Variants in NAALADL1 observed in about 807,000 individuals in gnomAD.
NAALADL1 encodes the protein N-acetylated alpha-linked acidic dipeptidase like 1, also known as aminopeptidase NAALADL1.
Under a neutral mutation model 82.8 loss-of-function variants are expected in NAALADL1, and 77 were observed. That is an observed-to-expected ratio of 0.93 (90% CI 0.77 to 1.12). NAALADL1 has a LOEUF of 1.12. Ranked by LOEUF, NAALADL1 falls within the 50% of genes most tolerant of loss-of-function variation. The pLI, the probability that NAALADL1 is intolerant of heterozygous loss-of-function variation, is 0.00. For synonymous variants in NAALADL1, 358 were observed against 399.2 expected (o/e 0.90, Z 1.23); for missense variants, 956 against 964.0 (o/e 0.99, Z 0.11).
chr11:65,049,257 G>A (rs2136989819), intron 8 of NAALADL1, among the ~76,000 whole-genome samples: 1 of 152,296 alleles, frequency 6.6e-6, no homozygotes, highest in Non-Finnish European at 1.5e-5. Context: ...CTGAGCTCAA[G>A]TGATCCACCC....
chr11:65,053,011 C>A lies in NAALADL1; in HGVS notation c.1198+207G>T, dbSNP rs986950178. On this transcript the variant is annotated intron_variant, in intron 8 of 17. Coordinates refer to ENST00000358658, the MANE Select transcript of NAALADL1 (RefSeq NM_005468.3). The surrounding 1 kb of genome is among the most constrained non-coding windows in gnomAD (Gnocchi z 4.3). ...TTGCTCCATCCAGGCACACGGGAGG[C>A]ACTTGGAAGCGGCACATGAATCAAC... Among the ~76,000 whole-genome samples the A allele has an allele frequency of 2.0e-5, 3 of 152,264 alleles. No homozygotes were observed. Among genetic ancestry groups the A allele is most frequent in the African/African-American group, 7.2e-5 (3 of 41,474 alleles).
In NAALADL1 at chr11:65,046,348, G is replaced by C. The variant is rs769506889; in HGVS notation, c.1696C>G (p.Gln566Glu). The C allele has an allele frequency of 5.6e-6, 9 of 1,614,134 alleles. No homozygotes were observed. The highest frequency in any genetic ancestry group is 2.2e-5 in the South Asian group (2 of 91,092). The change falls in exon 15 of 18, where the codon CAG becomes GAG. Residue 566 changes from glutamine to glutamate, a missense_variant. Physicochemically the swap from Gln to Glu is conservative, Grantham distance 29. Coordinates refer to ENST00000358658, the MANE Select transcript of NAALADL1 (RefSeq NM_005468.3). ...KFLDPGFSSH[Q>E]AVARTAGSVI... ...CTCCCCGCTGTCCGGGCCACAGCCT[G>C]ATGGCTGCTGAAGCCTGCGGCAAGG... is the stretch of plus-strand genomic sequence containing the variant.
Position 65,045,375 on chromosome 11 carries a change from C to A in NAALADL1, c.2119G>T (p.Ala707Ser). 1 of 1,612,432 alleles carries A rather than the reference C, an allele frequency of 6.2e-7. No homozygotes were observed. The highest frequency in any genetic ancestry group is 8.5e-7 in the Non-Finnish European group (1 of 1,179,412). Residue 707 changes from alanine to serine, a missense_variant, in exon 18 of 18, where the codon GCT (alanine) becomes TCT (serine). By Grantham distance (99) the Ala-to-Ser change is moderately conservative. Coordinates refer to ENST00000358658, the MANE Select transcript of NAALADL1 (RefSeq NM_005468.3). ...SNACSRARDTASGSEAWAEVQ... is the reference protein window; with the variant it reads ...SNACSRARDTSSGSEAWAEVQ... Reference sequence around the variant, plus strand: ...TCAGCCCAAGCTTCAGATCCAGAAGCTGTGTCCCTGGCCCTGGAGCAGGCA... The same window carrying A: ...TCAGCCCAAGCTTCAGATCCAGAAGATGTGTCCCTGGCCCTGGAGCAGGCA...
At chr11:65,057,566 G>A in intron 3 of NAALADL1, 73 bp from the exon 4 acceptor site, 1 of 1,540,324 alleles carries the variant, frequency 6.5e-7, no homozygotes, top group Non-Finnish European at 8.8e-7. Context: ...GTGGAAGTTT[G>A]CATGGCAGGA....
Position 65,046,225 on chromosome 11 carries a change from G to A in NAALADL1, c.1819C>T (p.Leu607Phe), listed in dbSNP as rs1946721268. Residue 607 changes from leucine (L) to phenylalanine (F), a missense_variant, in exon 15 of 18, where the codon CTT becomes TTT. Leu to Phe is a conservative substitution (Grantham distance 22). Coordinates refer to ENST00000358658, the MANE Select transcript of NAALADL1 (RefSeq NM_005468.3). ...RSFLQAAQQDLGALLEQHSIS... is the reference protein window; with the variant it reads ...RSFLQAAQQDFGALLEQHSIS... The stretch of plus-strand genomic sequence containing the variant: ...CTGTGCTGCTCCAGCAGGGCCCCAA[G>A]ATCTTGCTGGGCTGCCTGCAGGAAG... The A allele has an allele frequency of 6.2e-7, 1 of 1,614,150 alleles. No homozygotes were observed. The highest frequency in any genetic ancestry group is 1.1e-5 in the South Asian group (1 of 91,086).
intron 8 of NAALADL1, among the ~76,000 whole-genome samples, chr11:65,052,634 T>C (rs933311639): frequency 6.6e-6 from 1 of 152,116 alleles, no homozygotes; most frequent in Non-Finnish European, 1.5e-5. Flanking sequence ...ACATGAGGAC[T>C]CTATCATGTC....
At position 65,054,128 on chromosome 11, in the gene NAALADL1, A is replaced by T; in HGVS notation, c.992+122T>A. Reference sequence around the variant, plus strand: ...TTGGGGTCAGGAGAGGGTCTGGGAGAGAGAGGAAAGGGAAAAAGGTCAGGC... The same window carrying T: ...TTGGGGTCAGGAGAGGGTCTGGGAGTGAGAGGAAAGGGAAAAAGGTCAGGC... On this transcript the variant is annotated intron_variant, in intron 6 of 17. Coordinates refer to ENST00000358658, the MANE Select transcript of NAALADL1 (RefSeq NM_005468.3). This position sits in a 1 kb window ranked among gnomAD's most constrained non-coding sequence, Gnocchi z 4.3. 2 of 849,974 alleles carry T rather than the reference A, an allele frequency of 2.4e-6. No individual in the cohort carries two copies. The highest frequency in any genetic ancestry group is 3.7e-6 in the Non-Finnish European group (2 of 545,318). The allele number at this position is 849,974 out of a possible 1,614,324, so 52.7% of individuals were successfully genotyped here.
chr11:65,054,519 C>T lies in NAALADL1; in HGVS notation c.823G>A (p.Val275Ile), dbSNP rs1370094088. 3.5e-5 allele frequency: 56 copies of T among 1,613,884 alleles called. No homozygotes were observed. Among genetic ancestry groups the T allele is most frequent in the Non-Finnish European group, 4.7e-5 (55 of 1,179,998 alleles). Residue 275 changes from valine to isoleucine, a missense_variant, in exon 5 of 18, where the codon GTC (valine) becomes ATC (isoleucine). Physicochemically the swap from Val to Ile is conservative, Grantham distance 29. Coordinates refer to ENST00000358658, the MANE Select transcript of NAALADL1 (RefSeq NM_005468.3). This position sits in a 1 kb window ranked among gnomAD's most constrained non-coding sequence, Gnocchi z 4.3. ...GTAGGAATTGGGGGAAATCCGGAGA[C>T]ATTGGCAAGGTCCACGCGGAAGGAA... The part of the protein sequence containing the change: ...PSSFRVDLAN[V>I]SGFPPIPTQP...
rs1946795325 is a variant in NAALADL1, at chr11:65,048,298, A to G, written c.1284+2T>C. On this transcript the variant is annotated splice_donor_variant, in intron 9 of 17. Transcript: ENST00000358658. LOFTEE classifies it high-confidence loss of function. ...GATCCCCTACCCTGTAGGGCCACTC[A>G]CTTCTGTGAATTCCGTGGAGCCAAT... is the stretch of plus-strand genomic sequence containing the variant. 6.2e-7 allele frequency: 1 copy of G among 1,614,028 alleles called. No individual in the cohort carries two copies. Among genetic ancestry groups the G allele is most frequent in the Non-Finnish European group, 8.5e-7 (1 of 1,179,988 alleles).
At position 65,058,196 on chromosome 11, in the gene NAALADL1, C is replaced by T. The variant is rs755095542; in HGVS notation, c.240G>A (p.Val80=). 2 of 1,613,812 alleles carry T rather than the reference C, an allele frequency of 1.2e-6. No homozygotes were observed. Among genetic ancestry groups the T allele is most frequent in the East Asian group, 2.2e-5 (1 of 44,878 alleles). ...CCTTCCAGCGCTGCAGCAGCAGCTG[C>T]ACCAGGTCCTCATCCCGAGGGCTGG... The part of the protein sequence containing the change: ...LASSPRDEDL[V]QLLLQRWKDP... The change falls in exon 2 of 18, where the codon GTG becomes GTA. Residue 80 remains valine (V), a synonymous_variant. Coordinates refer to ENST00000358658, the MANE Select transcript of NAALADL1 (RefSeq NM_005468.3).
intron 10 of NAALADL1, 33 bp from the exon 11 acceptor site, chr11:65,048,081 C>A (rs749210188): frequency 5.0e-6 from 8 of 1,613,890 alleles, no homozygotes; most frequent in Non-Finnish European, 6.8e-6. Flanking sequence ...CTATTTGGGC[C>A]CCAGCCCCTT....
intron 8 of NAALADL1, among the ~76,000 whole-genome samples, chr11:65,052,176 C>T (rs559411831): frequency 6.6e-6 from 1 of 152,252 alleles, no homozygotes; most frequent in East Asian, 1.9e-4. Flanking sequence ...TCCCTCTTGC[C>T]CCTGGAGCCA....
At chr11:65,055,855 T>TTCTC (rs1947024312) in intron 4 of NAALADL1, among the ~76,000 whole-genome samples, 1 of 152,008 alleles carries the variant, frequency 6.6e-6, no homozygotes, top group African/African-American at 2.4e-5. Context: ...CCTTCTTTCT[T>TTCTC]TCTCTTTTCC....
chr11:65,044,821 T>C lies in NAALADL1; in HGVS notation c.*450A>G. On this transcript the variant is annotated 3_prime_UTR_variant, in exon 18 of 18. Transcript: ENST00000358658. The surrounding 1 kb of genome is among the most constrained non-coding windows in gnomAD (Gnocchi z 4.0). Reference sequence around the variant, plus strand: ...TCCAGGTAATAAAAGGAACTTGTTTTGTTGGTACCAGTCACTAGATGTGAT... The same window carrying C: ...TCCAGGTAATAAAAGGAACTTGTTTCGTTGGTACCAGTCACTAGATGTGAT... 11 of 1,350,806 alleles carry C rather than the reference T, an allele frequency of 8.1e-6. No individual in the cohort carries two copies. The highest frequency in any genetic ancestry group is 1.1e-5 in the Non-Finnish European group (11 of 1,007,340). The allele number at this position is 1,350,806 out of a possible 1,614,324, so 83.7% of individuals were successfully genotyped here.
At position 65,047,456 on chromosome 11, in the gene NAALADL1, C is replaced by CGGAGGGGTGA. The variant is rs1565221640; in HGVS notation, c.1599+18_1599+19insTCACCCCTCC. On this transcript the variant is annotated intron_variant, in intron 13 of 17. Coordinates refer to ENST00000358658, the MANE Select transcript of NAALADL1 (RefSeq NM_005468.3). ...ATGCAGCAAGGTACCGAGGCAGGGA[C>CGGAGGGGTGA]GGAGGGGCGCCTGCTCACCCGGTCA... is the stretch of plus-strand genomic sequence containing the variant. 1.9e-6 allele frequency: 3 copies of CGGAGGGGTGA among 1,551,390 alleles called. No homozygotes were observed. Among genetic ancestry groups the CGGAGGGGTGA allele is most frequent in the Non-Finnish European group, 2.6e-6 (3 of 1,146,670 alleles).
In NAALADL1 at chr11:65,045,861, A is replaced by G; in HGVS notation, c.1997T>C (p.Phe666Ser). The G allele has an allele frequency of 6.2e-7, 1 of 1,614,112 alleles. No individual in the cohort carries two copies. The highest frequency in any genetic ancestry group is 2.2e-5 in the East Asian group (1 of 44,880). ...NDQLMLLERT[F>S]LNPRAFPEER... Reference sequence around the variant, plus strand: ...CTCTGGGAAGGCTCTAGGGTTCAGAAAGGTCCGTTCCAAGAGCATCAACTG... The same window carrying G: ...CTCTGGGAAGGCTCTAGGGTTCAGAGAGGTCCGTTCCAAGAGCATCAACTG... The change falls in exon 17 of 18, where the codon TTT becomes TCT. Residue 666 changes from phenylalanine (F) to serine (S), a missense_variant. By Grantham distance (155) the Phe-to-Ser change is radical. Transcript: ENST00000358658.
rs1225793553 is a variant in NAALADL1 at position 65,058,500 on chromosome 11, C to T, written c.22G>A (p.Gly8Arg). ...AGGGCAGCAGCCCCCAGCCCCAGCC[C>T]CAACACCTTCGTCCACTGCATCCTG... MQWTKVL[G>R]LGLGAAALLG... is the part of the protein sequence containing the mutation. Residue 8 changes from glycine to arginine, a missense_variant, in exon 1 of 18, where the codon GGG becomes AGG. By Grantham distance (125) the Gly-to-Arg change is moderately radical. Coordinates refer to ENST00000358658, the MANE Select transcript of NAALADL1 (RefSeq NM_005468.3). 6.2e-7 allele frequency: 1 copy of T among 1,605,100 alleles called. No individual in the cohort carries two copies. Among genetic ancestry groups the T allele is most frequent in the Non-Finnish European group, 8.5e-7 (1 of 1,175,818 alleles).
intron 17 of NAALADL1, 58 bp downstream of exon 17, chr11:65,045,764 G>T: frequency 6.6e-7 from 1 of 1,511,562 alleles, no homozygotes; most frequent in Non-Finnish European, 9.2e-7. Context: ...GTCTCAGGTG[G>T]GGAGCCATTG....
chr11:65,046,633 A>T, intron 13 of NAALADL1, 107 bp from the exon 14 acceptor site: 1 of 1,140,630 alleles, frequency 8.8e-7, no homozygotes, highest in Non-Finnish European at 1.3e-6. Flanking sequence ...AATCTTGGCC[A>T]TGTCTGTGAG....
Sources: gnomAD v4.1 joint callset for allele counts (sites outside exome capture counted in the v4.1 genomes callset) on GRCh38, gnomAD v4.1.1 for gene constraint, Gnocchi (gnomAD v3.1) non-coding constraint, MANE v1.5 for transcripts, NCBI Gene and HGNC (gene_info 2026-07-23, HGNC 2026-07-21) for gene names.